SORL1: variants seen among roughly 807,000 people sequenced by gnomAD.
SORL1 encodes sortilin related receptor 1, also known as sortilin-related receptor.
In SORL1, 127 loss-of-function variants were observed where a neutral mutation model predicts 273.7. The ratio of observed to expected loss-of-function variants is 0.46; its 90% confidence interval spans 0.40 to 0.54. SORL1 has a LOEUF of 0.54. Ranked by LOEUF, SORL1 falls within the 20% of genes least tolerant of loss-of-function variation. SORL1 has a pLI of 0.00. For missense variants in SORL1, 2,494 were observed against 2,846.1 expected (o/e 0.88, Z 2.81); for synonymous variants, 1,031 against 1,067.4 (o/e 0.97, Z 0.66).
Position 121,595,773 on chromosome 11 carries a change from G to C in SORL1, c.4519+1G>C. On this transcript the variant is annotated splice_donor_variant, in intron 32 of 47. Transcript: ENST00000260197. LOFTEE classifies it high-confidence loss of function. This position sits in a 1 kb window ranked among gnomAD's most constrained non-coding sequence, Gnocchi z 5.1. ...GATGGCCGGGACGAGGCCAATTGCC[G>C]TGAGTAGTCAGAGAGCCCTTCACCC... 6.2e-7 allele frequency: 1 copy of C among 1,611,672 alleles called. No homozygotes were observed. Among genetic ancestry groups the C allele is most frequent in the Non-Finnish European group, 8.5e-7 (1 of 1,179,932 alleles).
At chr11:121,458,603 A>G (rs1048065834) in intron 1 of SORL1, among the ~76,000 whole-genome samples, 19 of 152,196 alleles carry the variant, frequency 1.2e-4, no homozygotes, top group African/African-American at 4.3e-4. Context: ...GGCAGATGGT[A>G]TAGTCAGTCT....
Position 121,622,145 on chromosome 11 carries a change from T to A in SORL1, c.6065-17T>A, listed in dbSNP as rs1412910401. 7.1e-7 allele frequency: 1 copy of A among 1,398,776 alleles called. No individual in the cohort carries two copies. The highest frequency in any genetic ancestry group is 1.0e-6 in the Non-Finnish European group (1 of 987,710). The allele number at this position is 1,398,776 out of a possible 1,614,324, so 86.6% of individuals were successfully genotyped here. On this transcript the variant is annotated splice_polypyrimidine_tract_variant and intron_variant, in intron 44 of 47. Coordinates refer to ENST00000260197, the MANE Select transcript of SORL1 (RefSeq NM_003105.6). ...GTATATCCACTAACCGCATCCCATCTCATCTTTAATTTTCAGTTTCATTAT... is the reference window on the plus strand; with the variant it reads ...GTATATCCACTAACCGCATCCCATCACATCTTTAATTTTCAGTTTCATTAT...
chr11:121,461,280 G>A (rs1370569920), intron 1 of SORL1, among the ~76,000 whole-genome samples: 3 of 152,096 alleles, frequency 2.0e-5, no homozygotes, highest in East Asian at 1.9e-4. Context: ...GGAGGGGGAC[G>A]GTTACTGCAG....
intron 40 of SORL1, 181 bp from the exon 41 acceptor site, chr11:121,614,690 A>G (rs1420140621): frequency 1.2e-5 from 7 of 576,128 alleles, no homozygotes; most frequent in Non-Finnish European, 2.1e-5. Flanking sequence ...TGTGTTACGT[A>G]CCGTCATCAT....
chr11:121,542,091 C>G (rs1385951891), intron 12 of SORL1, among the ~76,000 whole-genome samples: 1 of 152,174 alleles, frequency 6.6e-6, no homozygotes, highest in African/African-American at 2.4e-5. Flanking sequence ...GTGTATCCAT[C>G]CATTATTTTT....
chr11:121,611,231 G>A, intron 39 of SORL1, 73 bp downstream of exon 39: 1 of 1,012,850 alleles, frequency 9.9e-7, no homozygotes, highest in Middle Eastern at 2.1e-4. Flanking sequence ...ACATAGCACA[G>A]TAAGACTGGA....
At chr11:121,471,604 C>T (rs895278235) in intron 2 of SORL1, among the ~76,000 whole-genome samples, 8 of 152,238 alleles carry the variant, frequency 5.3e-5, no homozygotes, top group Non-Finnish European at 8.8e-5. Context: ...TTTGCCAGCA[C>T]TTTCACACTA....
chr11:121,452,725 A>G lies in SORL1; in HGVS notation c.285+109A>G. 2 of 984,508 alleles carry G rather than the reference A, an allele frequency of 2.0e-6. No homozygotes were observed. The highest frequency in any genetic ancestry group is 2.8e-6 in the Non-Finnish European group (2 of 724,718). 61.0% of individuals were successfully genotyped at this position (984,508 alleles called of 1,614,324 possible). Reference sequence around the variant, plus strand: ...CTCCTAGGTGCAGGCACCACTGGGGACTTCCCGGCTTGCATTTGTTTTTTT... The same window carrying G: ...CTCCTAGGTGCAGGCACCACTGGGGGCTTCCCGGCTTGCATTTGTTTTTTT... On this transcript the variant is annotated intron_variant, in intron 1 of 47. Coordinates refer to ENST00000260197, the MANE Select transcript of SORL1 (RefSeq NM_003105.6). This position sits in a 1 kb window ranked among gnomAD's most constrained non-coding sequence, Gnocchi z 5.3.
chr11:121,625,023 G>C, intron 45 of SORL1, 62 bp from the exon 46 acceptor site: 1 of 1,264,126 alleles, frequency 7.9e-7, no homozygotes, highest in Non-Finnish European at 1.1e-6. Flanking sequence ...GATGGAACCA[G>C]TAATAGAGGC....
At chr11:121,604,159 C>A in intron 32 of SORL1, 34 bp from the exon 33 acceptor site, 2 of 1,611,818 alleles carry the variant, frequency 1.2e-6, no homozygotes, top group South Asian at 1.1e-5. Context: ...TACGGCCCCT[C>A]CCCGTGGACT....
intron 23 of SORL1, among the ~76,000 whole-genome samples, chr11:121,571,263 T>A (rs541240288): frequency 6.6e-6 from 1 of 152,288 alleles, no homozygotes; most frequent in South Asian, 2.1e-4. Flanking sequence ...GGGAATCAAT[T>A]CACAGGCAAG....
At position 121,496,848 on chromosome 11, in the gene SORL1, C is replaced by CTT. The variant is rs112421669; in HGVS notation, c.759-9_759-8dup. ...AATTAAATGTGCAAATGATAACAACCTTTTTTTTTTTTTCTGCCAGGGGAA... is the reference window on the plus strand; with the variant it reads ...AATTAAATGTGCAAATGATAACAACCTTTTTTTTTTTTTTTCTGCCAGGGGAA... On this transcript the variant is annotated intron_variant, in intron 5 of 47. Coordinates refer to ENST00000260197, the MANE Select transcript of SORL1 (RefSeq NM_003105.6). 7.9e-4 allele frequency: 1,019 copies of CTT among 1,289,780 alleles called. No individual in the cohort carries two copies. The highest frequency in any genetic ancestry group is 1.7e-3 in the South Asian group (123 of 73,288). 79.9% of individuals were successfully genotyped at this position (1,289,780 alleles called of 1,614,324 possible).
In SORL1 at chr11:121,611,177, G is replaced by A; in HGVS notation, c.5322+19G>A. The A allele has an allele frequency of 6.6e-7, 1 of 1,511,070 alleles. No homozygotes were observed. The highest frequency in any genetic ancestry group is 9.2e-7 in the Non-Finnish European group (1 of 1,086,320). The allele number at this position is 1,511,070 out of a possible 1,614,324, so 93.6% of individuals were successfully genotyped here. A position where few individuals can be genotyped will look rare whatever the true frequency, so the allele number is the denominator to read the frequency against. ...TATCAAGGTAATGTGGGAATTTCAA[G>A]CCAGCAGCTGGATGGGGCTTTATTT... is the stretch of plus-strand genomic sequence containing the variant. On this transcript the variant is annotated intron_variant, in intron 39 of 47. Coordinates refer to ENST00000260197, the MANE Select transcript of SORL1 (RefSeq NM_003105.6).
chr11:121,504,830 T>C (rs1861763748), intron 6 of SORL1, among the ~76,000 whole-genome samples: 1 of 152,228 alleles, frequency 6.6e-6, no homozygotes, highest in Non-Finnish European at 1.5e-5. Flanking sequence ...GTGAGGTTTT[T>C]CTAGATGTCC....
rs1335150329 is a variant in SORL1 at position 121,625,095 on chromosome 11, T to C, written c.6182T>C (p.Ile2061Thr). 1 of 1,610,986 alleles carries C rather than the reference T, an allele frequency of 6.2e-7. No homozygotes were observed. The highest frequency in any genetic ancestry group is 8.5e-7 in the Non-Finnish European group (1 of 1,177,686). ...TGTGTTTGTTTTCAGGGCTATGAGA[T>C]ACACATGTTTGATAGTGCCATGAAT... Reference protein sequence around the residue: ...KHFNESRGYEIHMFDSAMNIT... With the variant: ...KHFNESRGYETHMFDSAMNIT... The change falls in exon 46 of 48, where the codon ATA becomes ACA. Residue 2061 changes from isoleucine to threonine, a missense_variant. Coordinates refer to ENST00000260197, the MANE Select transcript of SORL1 (RefSeq NM_003105.6).
At position 121,452,569 on chromosome 11, in the gene SORL1, A is replaced by C; in HGVS notation, c.238A>C (p.Lys80Gln). 2 of 1,519,928 alleles carry C rather than the reference A, an allele frequency of 1.3e-6. No homozygotes were observed. The highest frequency in any genetic ancestry group is 1.2e-5 in the South Asian group (1 of 82,366). 94.2% of individuals were successfully genotyped at this position (1,519,928 alleles called of 1,614,324 possible). Reference sequence around the variant, plus strand: ...CGCGGACGAGAAGCCGCTCCGGAGGAAACGGAGCGCTGCCCTGCAGCCCGA... The same window carrying C: ...CGCGGACGAGAAGCCGCTCCGGAGGCAACGGAGCGCTGCCCTGCAGCCCGA... ...SRADEKPLRR[K>Q]RSAALQPEPI... Residue 80 changes from lysine (K) to glutamine (Q), a missense_variant, in exon 1 of 48, where the codon AAA becomes CAA. Physicochemically the swap from Lys to Gln is moderately conservative, Grantham distance 53. Around this residue, in one of 3 missense-constraint regions of SORL1, gnomAD observed 175 missense variants for 147.1 expected, o/e 1.19. Transcript: ENST00000260197. This position sits in a 1 kb window ranked among gnomAD's most constrained non-coding sequence, Gnocchi z 5.3.
At chr11:121,500,642 C>T (rs1163554938) in intron 6 of SORL1, among the ~76,000 whole-genome samples, 1 of 152,204 alleles carries the variant, frequency 6.6e-6, no homozygotes, top group African/African-American at 2.4e-5. Flanking sequence ...AGTTGTCTGA[C>T]TTCCTGTAGT....
At chr11:121,527,124 A>G (rs78850840) in intron 11 of SORL1, among the ~76,000 whole-genome samples, 5,335 of 151,734 alleles carry the variant, frequency 0.035, 367 homozygotes, top group East Asian at 0.23. Flanking sequence ...CCTTTTTACC[A>G]TTAACTATGG....
At chr11:121,459,439 T>C (rs953296155) in intron 1 of SORL1, among the ~76,000 whole-genome samples, 1 of 152,114 alleles carries the variant, frequency 6.6e-6, no homozygotes, top group African/African-American at 2.4e-5. Context: ...GACTGCCAAG[T>C]TGAGTGTCAG....
Sources: allele counts gnomAD v4.1 joint callset (sites outside exome capture counted in the v4.1 genomes callset), GRCh38; gene constraint gnomAD v4.1.1; regional missense constraint gnomAD v4.1.1; non-coding constraint Gnocchi (gnomAD v3.1); transcripts MANE v1.5; gene names NCBI Gene and HGNC (gene_info 2026-07-23, HGNC 2026-07-21).